LUZP1: variants seen among roughly 807,000 people sequenced by gnomAD.
LUZP1 encodes the protein filamin mechanobinding actin cross-linking protein.
A neutral mutation model predicts 71.3 loss-of-function variants in LUZP1; 25 were observed. That is an observed-to-expected ratio of 0.35 (90% confidence interval 0.26 to 0.49). The LOEUF (loss-of-function observed/expected upper bound fraction) is 0.49, where lower values mean the gene tolerates loss of function less well. Among genes scored for constraint, LUZP1 ranks in the 20% least tolerant of loss-of-function variants. The pLI, the probability that LUZP1 is intolerant of heterozygous loss-of-function variation, is 0.99. For synonymous variants in LUZP1, 481 were observed against 506.4 expected, an observed-to-expected ratio of 0.95 and a Z score of 0.67; for missense variants, 1,142 against 1,300.8, an observed-to-expected ratio of 0.88 and a Z score of 1.88.
chr1:23,090,645 T>G (rs902985635), intron 4 of LUZP1: 1 of 566,510 alleles, frequency 1.8e-6, no homozygotes, highest in East Asian at 2.8e-5. Flanking sequence ...AAAGTGTCAC[T>G]TGGAATTGGG....
chr1:23,151,620 G>A (rs1644384234), intron 2 of LUZP1, among the ~76,000 whole-genome samples: 1 of 152,120 alleles, frequency 6.6e-6, no homozygotes, highest in Non-Finnish European at 1.5e-5. Flanking sequence ...TTCCTCACCT[G>A]TAAAGTAGGA....
At chr1:23,113,895 A>G (rs1394962880) in intron 2 of LUZP1, among the ~76,000 whole-genome samples, 1 of 152,148 alleles carries the variant, frequency 6.6e-6, no homozygotes, top group Non-Finnish European at 1.5e-5. Flanking sequence ...AGAAAAAAAA[A>G]AAAGAAAATA....
chr1:23,119,407 G>C (rs1644113038), intron 2 of LUZP1, among the ~76,000 whole-genome samples: 1 of 151,824 alleles, frequency 6.6e-6, no homozygotes, highest in African/African-American at 2.4e-5. Flanking sequence ...ATAACTGAAA[G>C]TGAAAGCAAG....
chr1:23,119,122 A>AT (rs905090745), intron 2 of LUZP1, among the ~76,000 whole-genome samples: 1 of 151,848 alleles, frequency 6.6e-6, no homozygotes, highest in African/African-American at 2.4e-5. Flanking sequence ...CTAATTTCTC[A>AT]TTTTTTTATA....
At position 23,093,858 on chromosome 1, in the gene LUZP1, G is replaced by A. The variant is rs1201266078; in HGVS notation, c.404C>T (p.Thr135Ile). 3.7e-6 allele frequency: 6 copies of A among 1,614,044 alleles called. No individual in the cohort carries two copies. Among genetic ancestry groups the A allele is most frequent in the Non-Finnish European group, 5.1e-6 (6 of 1,180,026 alleles). The change falls in exon 4 of 5, where the codon ACC becomes ATC. Residue 135 changes from threonine to isoleucine, a missense_variant. Physicochemically the swap from Thr to Ile is moderately conservative, Grantham distance 89. Coordinates refer to ENST00000302291, the Ensembl canonical transcript of LUZP1. This position sits in a 1 kb window ranked among gnomAD's most constrained non-coding sequence, Gnocchi z 4.2. ...CTCATTCAGGCTCAGACACAGCTGG[G>A]TACAGTCATTCTTACTCCTGCTGAA...
intron 1 of LUZP1, among the ~76,000 whole-genome samples, chr1:23,176,246 G>A (rs1381256039): frequency 6.6e-6 from 1 of 151,886 alleles, no homozygotes; most frequent in African/African-American, 2.4e-5. Flanking sequence ...ATTTTTAGTA[G>A]AGACGGGGTT....
chr1:23,088,909 C>T, exon 5 of LUZP1: 1 of 1,614,126 alleles, frequency 6.2e-7, no homozygotes, highest in South Asian at 1.1e-5. Flanking sequence ...TTCTCCTCAG[C>T]ACAGGGCCTG....
chr1:23,162,101 C>T (rs1262891733), intron 2 of LUZP1, among the ~76,000 whole-genome samples: 5 of 148,524 alleles, frequency 3.4e-5, no homozygotes, highest in East Asian at 3.9e-4. Context: ...AATTTTTGCA[C>T]GGTCACATTA....
In LUZP1 at chr1:23,117,491, C is replaced by A. The variant is rs1411765968; in HGVS notation, c.-225-8364G>T. On this transcript the variant is annotated intron_variant, in intron 2 of 4. Transcript: ENST00000302291. ...TCTCTCTCTCTCCCCCCCCCCCCCCCACAATCAGGAAGCCCTGGGGGGGGG... is the reference window on the plus strand; with the variant it reads ...TCTCTCTCTCTCCCCCCCCCCCCCCAACAATCAGGAAGCCCTGGGGGGGGG... Among the ~76,000 whole-genome samples, 245 of 37,568 alleles carry A rather than the reference C, an allele frequency of 6.5e-3. 19 individuals carry two copies. The highest frequency in any genetic ancestry group is 0.044 in the Admixed American group (123 of 2,786). The allele number at this position is 37,568 out of a possible 152,430, so 24.6% of individuals were successfully genotyped here. A position where few individuals can be genotyped will look rare whatever the true frequency, so the allele number is the denominator to read the frequency against.
intron 2 of LUZP1, among the ~76,000 whole-genome samples, chr1:23,120,955 T>C (rs1455601531): frequency 6.6e-6 from 1 of 152,228 alleles, no homozygotes; most frequent in Admixed American, 6.5e-5. Flanking sequence ...CTGCTATTGC[T>C]TTACTGAGCT....
chr1:23,118,541 T>A (rs1391189322), intron 2 of LUZP1, among the ~76,000 whole-genome samples: 11 of 152,196 alleles, frequency 7.2e-5, no homozygotes, highest in Admixed American at 7.2e-4. Context: ...TGACAATGTG[T>A]CTTGACTACA....
Position 23,147,197 on chromosome 1 carries a change from T to A in LUZP1, c.-226+21569A>T, listed in dbSNP as rs1157035003. Among the ~76,000 whole-genome samples the A allele has an allele frequency of 2.6e-5, 4 of 151,284 alleles. 1 individual carries two copies. In the South Asian group the frequency reaches 8.3e-4, roughly 31 times the overall value. On this transcript the variant is annotated intron_variant, in intron 2 of 4. Transcript: ENST00000302291. ...GGCTCATGCCTGTAATCCCAGCACTTTGGGAGGCCGAGACGGGTGGATCAC... is the reference window on the plus strand; with the variant it reads ...GGCTCATGCCTGTAATCCCAGCACTATGGGAGGCCGAGACGGGTGGATCAC...
At chr1:23,136,426 C>T (rs1281527194) in intron 2 of LUZP1, among the ~76,000 whole-genome samples, 1 of 151,738 alleles carries the variant, frequency 6.6e-6, no homozygotes, top group African/African-American at 2.4e-5. Context: ...GTAGTAAGAA[C>T]AAATGAGAGG....
chr1:23,155,211 T>C (rs1225285830), intron 2 of LUZP1, among the ~76,000 whole-genome samples: 2 of 152,208 alleles, frequency 1.3e-5, no homozygotes, highest in Non-Finnish European at 2.9e-5. Context: ...TATAAGAATC[T>C]TCTATATTTA....
At chr1:23,125,596 AT>A (rs1410412503) in intron 2 of LUZP1, among the ~76,000 whole-genome samples, 1 of 152,224 alleles carries the variant, frequency 6.6e-6, no homozygotes, top group East Asian at 1.9e-4. Context: ...TATACAGCCA[AT>A]TCAGCATTCT....
chr1:23,177,241 C>T (rs537543424), intron 1 of LUZP1, among the ~76,000 whole-genome samples: 1 of 152,074 alleles, frequency 6.6e-6, no homozygotes, highest in Non-Finnish European at 1.5e-5. Flanking sequence ...TTTGAAACTT[C>T]GAAGAAAAAT....
intron 3 of LUZP1, among the ~76,000 whole-genome samples, chr1:23,102,207 T>TAC (rs1342107308): frequency 6.6e-6 from 1 of 152,182 alleles, no homozygotes; most frequent in African/African-American, 2.4e-5. Flanking sequence ...ATGCCACCCC[T>TAC]ACATTAGTAC....
At chr1:23,151,958 C>T (rs1429572829) in intron 2 of LUZP1, among the ~76,000 whole-genome samples, 12 of 150,004 alleles carry the variant, frequency 8.0e-5, no homozygotes, top group South Asian at 2.1e-4. Context: ...GCCAAGATCA[C>T]GCCACTGCAC....
At chr1:23,173,331 C>A (rs1323343702) in intron 1 of LUZP1, among the ~76,000 whole-genome samples, 5 of 134,620 alleles carry the variant, frequency 3.7e-5, no homozygotes, top group Non-Finnish European at 8.1e-5. Flanking sequence ...TGCTGAGTTT[C>A]ATTTTGTTTT....
Sources: allele counts gnomAD v4.1 joint callset (sites outside exome capture counted in the v4.1 genomes callset), GRCh38; gene constraint gnomAD v4.1.1; non-coding constraint Gnocchi (gnomAD v3.1); transcripts MANE v1.5; gene names NCBI Gene and HGNC (gene_info 2026-07-23, HGNC 2026-07-21).